The following DAB2 variants were observed in gnomAD, a reference collection of about 807,000 sequenced individuals.
DAB2 encodes disabled homolog 2.
A neutral mutation model predicts 71.6 loss-of-function variants in DAB2; 28 were observed. The ratio of observed to expected loss-of-function variants is 0.39; its 90% CI spans 0.29 to 0.54. DAB2 has a LOEUF of 0.54. DAB2 is among the 20% of genes least tolerant of loss of function. DAB2 has a pLI of 0.68. For missense variants in DAB2, 867 were observed against 928.8 expected, an observed-to-expected ratio of 0.93 and a Z score of 0.86; for synonymous variants, 345 against 339.7, an observed-to-expected ratio of 1.02 and a Z score of -0.17.
rs750650197 is a variant in DAB2, at chr5:39,375,128, A to G, written c.2248-44T>C. ...CTAGTCAATAAATACAGTTACAGTC[A>G]TAAGAAAAAAATCGCAATGAAGACT... On this transcript the variant is annotated intron_variant, in intron 13 of 14. Coordinates refer to ENST00000320816, the MANE Select transcript of DAB2 (RefSeq NM_001343.4). 5.5e-6 allele frequency: 8 copies of G among 1,460,154 alleles called. 1 individual carries two copies. Among genetic ancestry groups the G allele is most frequent in the African/African-American group, 4.3e-5 (3 of 70,514 alleles). 90.4% of individuals were successfully genotyped at this position (1,460,154 alleles called of 1,614,324 possible).
In DAB2 at chr5:39,398,622, A is replaced by G. The variant is rs560733884; in HGVS notation, c.-101-4201T>C. 1.7e-4 allele frequency among the ~76,000 whole-genome samples: 26 copies of G among 152,224 alleles called. No individual in the cohort carries two copies. In the South Asian group the frequency reaches 5.2e-3, roughly 30 times the overall value. ...TACAATTGAAAATATATCTATCTCT[A>G]CTTCCTGAAATGATCAGAAGGTAGA... On this transcript the variant is annotated intron_variant, in intron 1 of 14. Transcript: ENST00000320816.
chr5:39,403,123 G>A (rs1396661309), intron 1 of DAB2, among the ~76,000 whole-genome samples: 1 of 152,152 alleles, frequency 6.6e-6, no homozygotes, highest in Non-Finnish European at 1.5e-5. Context: ...CTTTAACAAC[G>A]CTTTATCTGC....
chr5:39,399,457 T>C (rs921929094), intron 1 of DAB2, among the ~76,000 whole-genome samples: 1 of 152,192 alleles, frequency 6.6e-6, no homozygotes, highest in Non-Finnish European at 1.5e-5. Context: ...TCTAAAGTTA[T>C]CTTATAGTCC....
rs867712777 is a variant in DAB2 at position 39,377,145 on chromosome 5, T to C, written c.1642A>G (p.Thr548Ala). Residue 548 changes from threonine (T) to alanine (A), a missense_variant, in exon 12 of 15, where the codon ACA (threonine) becomes GCA (alanine). Around this residue, in one of 2 missense-constraint regions of DAB2, gnomAD observed 740 missense variants for 734.3 expected, o/e 1.01. Transcript: ENST00000320816. ...TTCCAACCTGAAACAGCTGGACTTG[T>C]ACCAAAAATGACGGGCTGACTAAAA... is the stretch of plus-strand genomic sequence containing the variant. Reference protein sequence around the residue: ...SGFSQPVIFGTSPAVSGWNQP... With the variant: ...SGFSQPVIFGASPAVSGWNQP... 48 of 1,613,966 alleles carry C rather than the reference T, an allele frequency of 3.0e-5. No homozygotes were observed. In the Middle Eastern group the frequency reaches 4.9e-4, roughly 17 times the overall value.
At chr5:39,411,354 A>C (rs1299231897) in intron 1 of DAB2, among the ~76,000 whole-genome samples, 1 of 152,178 alleles carries the variant, frequency 6.6e-6, no homozygotes, top group East Asian at 1.9e-4. Context: ...CTTTCAGAGC[A>C]GTCTCCTCTG....
At chr5:39,374,973 CA>C (rs1184747026) in intron 14 of DAB2, 40 bp downstream of exon 14, 2 of 1,326,372 alleles carry the variant, frequency 1.5e-6, no homozygotes, top group Non-Finnish European at 2.2e-6. Flanking sequence ...CCCTTTCTCA[CA>C]AAAACCCCTG....
chr5:39,385,044 C>G (rs537853932), intron 9 of DAB2: 1 of 152,022 alleles, frequency 6.6e-6, no homozygotes, highest in South Asian at 2.1e-4. Context: ...ACAAAAGAGA[C>G]AGCAAAATCA....
At chr5:39,412,358 A>T (rs953735357) in intron 1 of DAB2, among the ~76,000 whole-genome samples, 8 of 152,164 alleles carry the variant, frequency 5.3e-5, no homozygotes, top group African/African-American at 1.9e-4. Flanking sequence ...TGCAATTTAG[A>T]GACTAGAAAC....
At chr5:39,380,701 C>A (rs770070185) in intron 11 of DAB2, among the ~76,000 whole-genome samples, 3 of 152,184 alleles carry the variant, frequency 2.0e-5, no homozygotes, top group African/African-American at 7.2e-5. Context: ...GAGTGATCAG[C>A]GGCTCACACA....
chr5:39,403,897 C>T (rs769283341), intron 1 of DAB2, among the ~76,000 whole-genome samples: 9 of 151,684 alleles, frequency 5.9e-5, no homozygotes, highest in African/African-American at 1.5e-4. Context: ...CCTCTCCTTG[C>T]GATAGTTTGC....
intron 1 of DAB2, chr5:39,408,910 TA>T (rs1755662178): frequency 6.6e-6 from 1 of 152,188 alleles, no homozygotes; most frequent in Admixed American, 6.5e-5. Flanking sequence ...ATATATTCCT[TA>T]TTTGCTTATT....
chr5:39,374,694 T>C (rs1754778901), intron 14 of DAB2: 1 of 245,044 alleles, frequency 4.1e-6, no homozygotes, highest in Non-Finnish European at 7.7e-6. Flanking sequence ...AATATGAAAG[T>C]AAAAAGGTTA....
intron 9 of DAB2, chr5:39,385,096 G>A (rs1755069164): frequency 6.6e-6 from 1 of 151,752 alleles, no homozygotes; most frequent in Non-Finnish European, 1.5e-5. Flanking sequence ...TTTACTGTGA[G>A]GCATAAAAAT....
chr5:39,407,483 G>A (rs750280488), intron 1 of DAB2, among the ~76,000 whole-genome samples: 1 of 152,220 alleles, frequency 6.6e-6, no homozygotes, highest in Non-Finnish European at 1.5e-5. Context: ...TTACAGGCGT[G>A]AGCCACCATG....
chr5:39,374,586 A>G (rs561655818), intron 14 of DAB2, among the ~76,000 whole-genome samples: 1 of 152,364 alleles, frequency 6.6e-6, no homozygotes, highest in African/African-American at 2.4e-5. Flanking sequence ...AGTAATGATC[A>G]TAATCTGTTT....
In DAB2 at chr5:39,377,043, T is replaced by C; in HGVS notation, c.1744A>G (p.Asn582Asp). 1.2e-6 allele frequency: 2 copies of C among 1,614,102 alleles called. No individual in the cohort carries two copies. The highest frequency in any genetic ancestry group is 1.7e-6 in the Non-Finnish European group (2 of 1,180,010). Residue 582 changes from asparagine (N) to aspartate (D), a missense_variant, in exon 12 of 15, where the codon AAT becomes GAT. Physicochemically the swap from Asn to Asp is conservative, Grantham distance 23 (BLOSUM62 1). Coordinates refer to ENST00000320816, the MANE Select transcript of DAB2 (RefSeq NM_001343.4). ...VWGPSASVAP[N>D]AWSTTSPLGN... ...AAAGGGCTTGTTGTTGACCAAGCAT[T>C]GGGTGCCACAGATGCAGAAGGGCCC...
intron 11 of DAB2, among the ~76,000 whole-genome samples, chr5:39,380,344 C>A (rs1754948231): frequency 6.6e-6 from 1 of 152,036 alleles, no homozygotes; most frequent in Non-Finnish European, 1.5e-5. Flanking sequence ...GTAAAAGAAC[C>A]AAACTATTTT....
intron 1 of DAB2, among the ~76,000 whole-genome samples, chr5:39,399,040 T>G (rs569842224): frequency 7.2e-5 from 11 of 152,324 alleles, no homozygotes; most frequent in Non-Finnish European, 1.6e-4. Context: ...GTCCCCTAGT[T>G]AATTCCTTTG....
chr5:39,389,885 A>G lies in DAB2; in HGVS notation c.510T>C (p.Tyr170=), dbSNP rs561227788. 24 of 1,594,912 alleles carry G rather than the reference A, an allele frequency of 1.5e-5. No homozygotes were observed. Among genetic ancestry groups the G allele is most frequent in the South Asian group, 9.0e-5 (8 of 89,252 alleles). Reference sequence around the variant, plus strand: ...TTTCTTCTTCCTTTTTCTTTACATTATAGATAACTTGAAAAAGGTCTTTAA... The same window carrying G: ...TTTCTTCTTCCTTTTTCTTTACATTGTAGATAACTTGAAAAAGGTCTTTAA... ...VDLKDLFQVI[Y]NVKKKEEEKK... Residue 170 remains tyrosine (Y), a synonymous_variant, in exon 6 of 15, where the codon TAT becomes TAC. Coordinates refer to ENST00000320816, the MANE Select transcript of DAB2 (RefSeq NM_001343.4).
Sources: allele counts gnomAD v4.1 joint callset (sites outside exome capture counted in the v4.1 genomes callset), GRCh38; gene constraint gnomAD v4.1.1; regional missense constraint gnomAD v4.1.1; transcripts MANE v1.5; gene names NCBI Gene and HGNC (gene_info 2026-07-23, HGNC 2026-07-21).